The following ATP12A variants were observed in gnomAD, a reference collection of about 807,000 sequenced individuals.
The protein encoded by ATP12A is ATPase H+/K+ transporting non-gastric alpha2 subunit.
Under a neutral mutation model 111.2 loss-of-function variants are expected in ATP12A, and 81 were observed. The observed-to-expected ratio is 0.73, with a 90% CI of 0.61 to 0.88. The LOEUF (loss-of-function observed/expected upper bound fraction) is 0.88, where lower values mean the gene tolerates loss of function less well. ATP12A is among the 40% of genes least tolerant of loss of function. The pLI, the probability that ATP12A is intolerant of heterozygous loss-of-function variation, is 0.00. For synonymous variants in ATP12A, 498 were observed against 499.8 expected, an observed-to-expected ratio of 1.00 and a Z score of 0.05; for missense variants, 1,196 against 1,313.1, an observed-to-expected ratio of 0.91 and a Z score of 1.38.
At chr13:24,703,181 GT>G (rs1397341807) in intron 14 of ATP12A, among the ~76,000 whole-genome samples, 1 of 152,108 alleles carries the variant, frequency 6.6e-6, no homozygotes, top group African/African-American at 2.4e-5. Flanking sequence ...TATTTGTTTG[GT>G]TTTGTAAGAT....
rs1566078418 is a variant in ATP12A at position 24,708,964 on chromosome 13, G to GGAAGAAAGAAAGAAAGAAAGAAA, written c.2494-397_2494-396insGAAAGAAAGAAAGAAAGAAAGAA. Among the ~76,000 whole-genome samples the GGAAGAAAGAAAGAAAGAAAGAAA allele has an allele frequency of 9.0e-4, 103 of 114,814 alleles. 5 individuals are homozygous for GGAAGAAAGAAAGAAAGAAAGAAA. Among genetic ancestry groups the GGAAGAAAGAAAGAAAGAAAGAAA allele is most frequent in the Non-Finnish European group, 8.1e-4 (44 of 54,010 alleles). 75.3% of individuals were successfully genotyped at this position (114,814 alleles called of 152,430 possible). A position where few individuals can be genotyped will look rare whatever the true frequency, so the allele number is the denominator to read the frequency against. On this transcript the variant is annotated intron_variant, in intron 17 of 22. Coordinates refer to ENST00000381946, the MANE Select transcript of ATP12A (RefSeq NM_001676.7). ...AAGAAAGAAAGAAAGAAAGAAAGAA[G>GGAAGAAAGAAAGAAAGAAAGAAA]GAAAGAGAAAGAGAAATGAATGCAA...
At chr13:24,706,650 C>T (rs1269057175) in intron 15 of ATP12A, among the ~76,000 whole-genome samples, 187 bp downstream of exon 15, 1 of 152,216 alleles carries the variant, frequency 6.6e-6, no homozygotes, top group African/African-American at 2.4e-5. Flanking sequence ...TTGAGACCCC[C>T]ACCACATGTT....
At chr13:24,681,831 C>A in intron 2 of ATP12A, 111 bp downstream of exon 2, 1 of 1,395,878 alleles carries the variant, frequency 7.2e-7, no homozygotes, top group Non-Finnish European at 9.8e-7. Flanking sequence ...ATTTGAAATC[C>A]CCTTGAGATT....
chr13:24,698,109 T>C (rs1404085059), intron 11 of ATP12A, among the ~76,000 whole-genome samples: 1 of 152,116 alleles, frequency 6.6e-6, no homozygotes, highest in African/African-American at 2.4e-5. Flanking sequence ...CCTATTAAAA[T>C]GGAGACTCCT....
intron 15 of ATP12A, 129 bp downstream of exon 15, chr13:24,706,592 A>G (rs1474233035): frequency 3.0e-6 from 4 of 1,346,772 alleles, no homozygotes; most frequent in Non-Finnish European, 4.0e-6. Context: ...GCTCATCCCC[A>G]TCACCTGACC....
intron 14 of ATP12A, 31 bp from the exon 15 acceptor site, chr13:24,706,282 G>A: frequency 1.2e-6 from 2 of 1,609,522 alleles, no homozygotes; most frequent in South Asian, 1.1e-5. Context: ...TCTGCCCTTG[G>A]GCCTCACCCA....
At position 24,689,312 on chromosome 13, in the gene ATP12A, T is replaced by A; in HGVS notation, c.483T>A (p.Phe161Leu). 1 of 1,614,136 alleles carries A rather than the reference T, an allele frequency of 6.2e-7. No individual in the cohort carries two copies. ...TGGTGGTCATTTTAACGGGGATCTT[T>A]GCTTATTACCAAGAGGCAAAAAGCA... ...LGLVVILTGI[F>L]AYYQEAKSTN... Residue 161 changes from phenylalanine to leucine, a missense_variant, in exon 5 of 23, where the codon TTT becomes TTA. Physicochemically the swap from Phe to Leu is conservative, Grantham distance 22. Transcript: ENST00000381946.
In ATP12A at chr13:24,688,372, C is replaced by T. The variant is rs752157792; in HGVS notation, c.282C>T (p.Ser94=). ...AELLARDGPN[S]LTPPKQTPEI... is the part of the protein sequence containing the mutation. ...TCCTGGCCCGGGATGGGCCCAACTCCCTCACCCCTCCCAAGCAGACGCCTG... is the reference window on the plus strand; with the variant it reads ...TCCTGGCCCGGGATGGGCCCAACTCTCTCACCCCTCCCAAGCAGACGCCTG... Residue 94 remains serine, a synonymous_variant, in exon 4 of 23, where the codon TCC becomes TCT. Transcript: ENST00000381946. 6.2e-7 allele frequency: 1 copy of T among 1,614,136 alleles called. No individual in the cohort carries two copies. Among genetic ancestry groups the T allele is most frequent in the Non-Finnish European group, 8.5e-7 (1 of 1,180,010 alleles).
chr13:24,700,341 CT>C, intron 12 of ATP12A, among the ~76,000 whole-genome samples: 1 of 152,296 alleles, frequency 6.6e-6, no homozygotes, highest in South Asian at 2.1e-4. Flanking sequence ...ATCTTTGCCC[CT>C]CTCAAGCTTC....
rs747209811 is a variant in ATP12A at position 24,685,372 on chromosome 13, T to C, written c.227T>C (p.Met76Thr). ...LEEKYGTDII[M>T]GLSSTRAAEL... ...GAGAAATATGGCACAGACATCATTA[T>C]GGTGAGTCGTGGGAACCAGGGATTT... Residue 76 changes from methionine (M) to threonine (T), a missense_variant and splice_region_variant, in exon 3 of 23, where the codon ATG (methionine) becomes ACG (threonine). Met to Thr is a moderately conservative substitution (Grantham distance 81). Transcript: ENST00000381946. This position sits in a 1 kb window ranked among gnomAD's most constrained non-coding sequence, Gnocchi z 5.5. 2 of 1,614,048 alleles carry C rather than the reference T, an allele frequency of 1.2e-6. No individual in the cohort carries two copies. Among genetic ancestry groups the C allele is most frequent in the Non-Finnish European group, 1.7e-6 (2 of 1,179,894 alleles).
intron 3 of ATP12A, among the ~76,000 whole-genome samples, chr13:24,687,248 G>T (rs944958784): frequency 3.9e-5 from 6 of 152,108 alleles, no homozygotes; most frequent in Admixed American, 6.5e-5. Flanking sequence ...ATCACTTGAG[G>T]TCAGGAGTTC....
At chr13:24,688,571 G>C in intron 4 of ATP12A, 49 bp downstream of exon 4, 1 of 1,485,378 alleles carries the variant, frequency 6.7e-7, no homozygotes. Flanking sequence ...GAGCCATCCA[G>C]TGAGGCCTTG....
Position 24,711,649 on chromosome 13 carries a change from G to T in ATP12A, c.*127G>T. 7.5e-7 allele frequency: 1 copy of T among 1,331,448 alleles called. No individual in the cohort carries two copies. The allele number at this position is 1,331,448 out of a possible 1,614,324, so 82.5% of individuals were successfully genotyped here. ...AATTCAGACAAGAGGAAATTTTCAT[G>T]CAGAAAGCTGTATGCAGGATGCTCA... On this transcript the variant is annotated 3_prime_UTR_variant, in exon 23 of 23. Transcript: ENST00000381946.
intron 13 of ATP12A, 116 bp downstream of exon 13, chr13:24,701,038 C>T (rs1225402946): frequency 8.5e-7 from 1 of 1,174,448 alleles, no homozygotes; most frequent in African/African-American, 1.5e-5. Context: ...TATCATAATT[C>T]CTATTTTATT....
At chr13:24,706,586 A>G (rs748749972) in intron 15 of ATP12A, 123 bp downstream of exon 15, 98 of 1,389,028 alleles carry the variant, frequency 7.1e-5, no homozygotes, top group Non-Finnish European at 9.0e-5. Flanking sequence ...TTCTTGGCTC[A>G]TCCCCATCAC....
In ATP12A at chr13:24,707,450, G is replaced by A. The variant is rs551455216; in HGVS notation, c.2493+17G>A. The A allele has an allele frequency of 1.9e-6, 3 of 1,614,034 alleles. No homozygotes were observed. Among genetic ancestry groups the A allele is most frequent in the Non-Finnish European group, 2.5e-6 (3 of 1,179,948 alleles). On this transcript the variant is annotated intron_variant, in intron 17 of 22. Coordinates refer to ENST00000381946, the MANE Select transcript of ATP12A (RefSeq NM_001676.7). ...ACAGACATTGTAAGTGACACTGAAG[G>A]GAACAGGCTGTGATGCCTGCCCCAG...
rs754912467 is a variant in ATP12A at position 24,707,141 on chromosome 13, T to C, written c.2288T>C (p.Met763Thr). ...GATGCAGCCAAAAATGCAGCCGACA[T>C]GGTCTTGCTGGACGACAACTTCGCA... is the stretch of plus-strand genomic sequence containing the variant. ...GSDAAKNAADMVLLDDNFASI... is the reference protein window; with the variant it reads ...GSDAAKNAADTVLLDDNFASI... Residue 763 changes from methionine (M) to threonine (T), a missense_variant, in exon 16 of 23, where the codon ATG becomes ACG. By Grantham distance (81) the Met-to-Thr change is moderately conservative. Coordinates refer to ENST00000381946, the MANE Select transcript of ATP12A (RefSeq NM_001676.7). 6.6e-5 allele frequency: 107 copies of C among 1,614,042 alleles called. No individual in the cohort carries two copies. Among genetic ancestry groups the C allele is most frequent in the Non-Finnish European group, 8.7e-5 (103 of 1,180,026 alleles).
Position 24,707,196 on chromosome 13 carries a change from G to A in ATP12A, c.2338+5G>A. On this transcript the variant is annotated splice_donor_5th_base_variant and intron_variant, in intron 16 of 22. Transcript: ENST00000381946. ...TCGTCACAGGGGTGGAGGAAGGTGAGTGAGTCTCAGGGGGTCTTCCCAAGG... is the reference window on the plus strand; with the variant it reads ...TCGTCACAGGGGTGGAGGAAGGTGAATGAGTCTCAGGGGGTCTTCCCAAGG... The A allele has an allele frequency of 1.9e-6, 3 of 1,613,514 alleles. No individual in the cohort carries two copies. Among genetic ancestry groups the A allele is most frequent in the Non-Finnish European group, 2.5e-6 (3 of 1,179,620 alleles).
chr13:24,682,022 AG>A (rs1566067888), intron 2 of ATP12A, among the ~76,000 whole-genome samples: 2 of 37,058 alleles, frequency 5.4e-5, no homozygotes, highest in Admixed American at 2.7e-4. Flanking sequence ...TGGTGTGTGT[AG>A]TGTGTGGTGT....
Sources: allele counts gnomAD v4.1 joint callset (sites outside exome capture counted in the v4.1 genomes callset), GRCh38; gene constraint gnomAD v4.1.1; non-coding constraint Gnocchi (gnomAD v3.1); transcripts MANE v1.5; gene names NCBI Gene and HGNC (gene_info 2026-07-23, HGNC 2026-07-21).